Variants in CFAP20DC observed in about 807,000 individuals in gnomAD.
The protein encoded by CFAP20DC is CFAP20 domain containing.
In CFAP20DC, 84 loss-of-function variants were observed where a neutral mutation model predicts 101.7. The observed-to-expected ratio is 0.83, with a 90% CI of 0.69 to 0.99. CFAP20DC has a LOEUF of 0.99. Among genes scored for constraint, CFAP20DC ranks in the 50% least tolerant of loss-of-function variants. CFAP20DC has a pLI of 0.00. For synonymous variants in CFAP20DC, 359 were observed against 351.2 expected (o/e 1.02, Z -0.25); for missense variants, 1,007 against 970.3 (o/e 1.04, Z -0.50).
At chr3:58,891,814 G>A (rs1400151327) in intron 6 of CFAP20DC, among the ~76,000 whole-genome samples, 1 of 152,084 alleles carries the variant, frequency 6.6e-6, no homozygotes, top group East Asian at 1.9e-4. Context: ...GTTTAATAGA[G>A]CCCATTTGTC....
chr3:59,041,551 T>C (rs1313895706), intron 3 of CFAP20DC, among the ~76,000 whole-genome samples: 6 of 152,108 alleles, frequency 3.9e-5, no homozygotes, highest in African/African-American at 1.4e-4. Flanking sequence ...CATGTCTACA[T>C]TATATTTAAA....
Position 58,799,832 on chromosome 3 carries a change from T to C in CFAP20DC, c.2237+6563A>G, listed in dbSNP as rs774198197. ...AATGTGATGAAAACAAAAAAGATAA[T>C]GTGCTAAAGGTGACTGAGGGCTATT... On this transcript the variant is annotated intron_variant, in intron 15 of 16. Coordinates refer to ENST00000482387, the MANE Select transcript of CFAP20DC (RefSeq NM_001394063.1). The surrounding 1 kb of genome is among the most constrained non-coding windows in gnomAD (Gnocchi z 4.9). Among the ~76,000 whole-genome samples, 88 of 151,610 alleles carry C rather than the reference T, an allele frequency of 5.8e-4. No individual in the cohort carries two copies. The highest frequency in any genetic ancestry group is 1.1e-3 in the Non-Finnish European group (72 of 67,938).
At chr3:58,812,036 A>C (rs576299502) in intron 14 of CFAP20DC, among the ~76,000 whole-genome samples, 59 of 152,312 alleles carry the variant, frequency 3.9e-4, no homozygotes, top group South Asian at 1.0e-3. Flanking sequence ...AATGGCAATC[A>C]TTAAAAAGTC....
rs1007792449 is a variant in CFAP20DC, at chr3:58,795,323, C to A, written c.2237+11072G>T. ...GGGAGGCTTCAGTAATCTCAGGAGC[C>A]CCGCTCTCCACTGGTTAAAGATGTC... On this transcript the variant is annotated intron_variant, in intron 15 of 16. Coordinates refer to ENST00000482387, the MANE Select transcript of CFAP20DC (RefSeq NM_001394063.1). This position sits in a 1 kb window ranked among gnomAD's most constrained non-coding sequence, Gnocchi z 4.2. Among the ~76,000 whole-genome samples, 1 of 152,166 alleles carries A rather than the reference C, an allele frequency of 6.6e-6. No individual in the cohort carries two copies. Among genetic ancestry groups the A allele is most frequent in the Non-Finnish European group, 1.5e-5 (1 of 68,020 alleles).
intron 3 of CFAP20DC, among the ~76,000 whole-genome samples, chr3:59,040,687 G>GT (rs112312802): frequency 2.6e-5 from 4 of 152,014 alleles, no homozygotes; most frequent in African/African-American, 9.6e-5. Context: ...GTAACAACAC[G>GT]TTTTTGGATA....
chr3:58,986,962 GTT>G (rs1317660357), intron 4 of CFAP20DC, among the ~76,000 whole-genome samples: 4 of 152,074 alleles, frequency 2.6e-5, no homozygotes, highest in African/African-American at 4.8e-5. Context: ...TGTAAAATAT[GTT>G]TAAAACTATA....
At chr3:58,932,466 A>C (rs1366518638) in intron 5 of CFAP20DC, among the ~76,000 whole-genome samples, 2 of 152,080 alleles carry the variant, frequency 1.3e-5, no homozygotes, top group Non-Finnish European at 1.5e-5. Flanking sequence ...CAAGACACAT[A>C]ATTGTCAGAT....
intron 4 of CFAP20DC, among the ~76,000 whole-genome samples, chr3:58,950,728 A>G (rs1176031135): frequency 6.6e-6 from 1 of 152,218 alleles, no homozygotes. Context: ...CTGAAGCTGG[A>G]TCTCTTCCTT....
In CFAP20DC at chr3:58,974,774, C is replaced by T. The variant is rs139933228; in HGVS notation, c.279-37012G>A. 8.5e-4 allele frequency among the ~76,000 whole-genome samples: 130 copies of T among 152,152 alleles called. No homozygotes were observed. In the East Asian group the frequency reaches 0.022, roughly 25 times the overall value. On this transcript the variant is annotated intron_variant, in intron 4 of 16. Coordinates refer to ENST00000482387, the MANE Select transcript of CFAP20DC (RefSeq NM_001394063.1). ...TGAAAATGCTACATAAATTCCATGC[C>T]ATTTGCAAGTGGTCCTGGTTCTCTT...
chr3:58,855,694 A>G (rs1421850321), intron 12 of CFAP20DC, among the ~76,000 whole-genome samples: 5 of 152,036 alleles, frequency 3.3e-5, no homozygotes, highest in African/African-American at 1.2e-4. Context: ...AGGGACATGG[A>G]TGAAATTGGA....
intron 4 of CFAP20DC, among the ~76,000 whole-genome samples, chr3:58,958,829 T>C (rs1299585241): frequency 1.3e-5 from 2 of 152,318 alleles, no homozygotes; most frequent in African/African-American, 2.4e-5. Flanking sequence ...TTAATTGTAA[T>C]TGTAAAAATT....
At chr3:58,898,686 G>A (rs544615274) in intron 6 of CFAP20DC, among the ~76,000 whole-genome samples, 2 of 152,284 alleles carry the variant, frequency 1.3e-5, no homozygotes, top group South Asian at 4.2e-4. Flanking sequence ...CTACTTGTCA[G>A]TTTAGTCATC....
chr3:58,821,877 A>G (rs1230145305), intron 14 of CFAP20DC, among the ~76,000 whole-genome samples: 3 of 133,254 alleles, frequency 2.3e-5, no homozygotes, highest in Middle Eastern at 7.2e-3. Flanking sequence ...TCACAATAGC[A>G]AAGACTTGGA....
At chr3:58,896,815 A>G (rs933908544) in intron 6 of CFAP20DC, among the ~76,000 whole-genome samples, 9 of 152,054 alleles carry the variant, frequency 5.9e-5, no homozygotes, top group African/African-American at 1.2e-4. Flanking sequence ...TATGTGATCA[A>G]TTTTAGAGTG....
At chr3:58,893,710 T>C (rs915814498) in intron 6 of CFAP20DC, among the ~76,000 whole-genome samples, 3 of 152,130 alleles carry the variant, frequency 2.0e-5, no homozygotes, top group Admixed American at 6.5e-5. Flanking sequence ...TTAGAAATGG[T>C]ACCAGCTCTT....
intron 4 of CFAP20DC, among the ~76,000 whole-genome samples, chr3:58,982,701 C>T (rs1385181160): frequency 9.4e-6 from 1 of 106,896 alleles, no homozygotes; most frequent in Admixed American, 1.5e-4. Flanking sequence ...ACTTCGGAGA[C>T]TGTTGTGGGG....
chr3:58,828,416 A>G (rs1238355543), intron 14 of CFAP20DC, among the ~76,000 whole-genome samples: 1 of 152,182 alleles, frequency 6.6e-6, no homozygotes, highest in East Asian at 1.9e-4. Context: ...AGGCACAGAG[A>G]TGTTAGGGGA....
Position 58,767,462 on chromosome 3 carries a change from G to T in CFAP20DC, c.2238-13599C>A, listed in dbSNP as rs760723909. 3.9e-5 allele frequency among the ~76,000 whole-genome samples: 6 copies of T among 152,148 alleles called. No homozygotes were observed. In the South Asian group the frequency reaches 1.2e-3, roughly 32 times the overall value. ...TAAAAAACTAAAACATATAGAAAGT[G>T]CTCTCAATAGCATTTCTTCATAGAA... On this transcript the variant is annotated intron_variant, in intron 15 of 16. Transcript: ENST00000482387.
At chr3:58,926,455 TAC>T (rs2085985756) in intron 5 of CFAP20DC, among the ~76,000 whole-genome samples, 1 of 152,144 alleles carries the variant, frequency 6.6e-6, no homozygotes, top group Non-Finnish European at 1.5e-5. Context: ...CTCAATCAAG[TAC>T]CATCAACATT....
Sources: gnomAD v4.1 joint callset for allele counts (sites outside exome capture counted in the v4.1 genomes callset) on GRCh38, gnomAD v4.1.1 for gene constraint, Gnocchi (gnomAD v3.1) non-coding constraint, MANE v1.5 for transcripts, NCBI Gene and HGNC (gene_info 2026-07-23, HGNC 2026-07-21) for gene names.